PHF11: variants seen among roughly 807,000 people sequenced by gnomAD.
PHF11 encodes PHD finger protein 11, also known as BRCA1 C-terminus-associated protein.
A neutral mutation model predicts 40.5 loss-of-function variants in PHF11; 38 were observed. The observed-to-expected ratio is 0.94, with a 90% confidence interval of 0.72 to 1.23. PHF11 has a LOEUF of 1.23. PHF11 is among the 50% of genes most tolerant of loss of function. The pLI is 0.00. For synonymous variants in PHF11, 127 were observed against 138.2 expected (o/e 0.92, Z 0.57); for missense variants, 369 against 392.4 (o/e 0.94, Z 0.50).
intron 1 of PHF11, chr13:49,497,162 A>G: frequency 7.8e-7 from 1 of 1,289,678 alleles, no homozygotes; most frequent in South Asian, 1.2e-5. Flanking sequence ...CATACGTGGC[A>G]ACCACAAGCC....
rs1594228748 is a variant in PHF11 at position 49,528,557 on chromosome 13, G to C, written c.888G>C (p.Leu296Phe). The C allele has an allele frequency of 2.1e-5, 34 of 1,611,928 alleles. No individual in the cohort carries two copies. Among genetic ancestry groups the C allele is most frequent in the Non-Finnish European group, 2.9e-5 (34 of 1,178,660 alleles). The change falls in exon 10 of 10, where the codon TTG (leucine) becomes TTC (phenylalanine). Residue 296 changes from leucine to phenylalanine, a missense_variant. Transcript: ENST00000378319. ...CATCTCAACAAAGGTGGCAGCAGTT[G>C]AAGGAAGAGATTGAGCTACTTCAGG... Reference protein sequence around the residue: ...IHASQQRWQQLKEEIELLQDL... With the variant: ...IHASQQRWQQFKEEIELLQDL...
chr13:49,512,955 A>G, intron 2 of PHF11, 104 bp from the exon 3 acceptor site: 1 of 639,590 alleles, frequency 1.6e-6, no homozygotes, highest in South Asian at 1.9e-5. Context: ...CCCCCAGTCC[A>G]TTTCCCACTC....
At chr13:49,505,664 C>T (rs533528274) in intron 1 of PHF11, among the ~76,000 whole-genome samples, 1 of 152,268 alleles carries the variant, frequency 6.6e-6, no homozygotes, top group South Asian at 2.1e-4. Flanking sequence ...AGTTCAAAAA[C>T]TTTGCCTCTT....
At chr13:49,496,281 A>G in intron 1 of PHF11, 186 bp downstream of exon 1, 1 of 669,520 alleles carries the variant, frequency 1.5e-6, no homozygotes, top group South Asian at 7.1e-5. Flanking sequence ...TTGGTGGGGG[A>G]GGGGGCCAGA....
chr13:49,496,117 G>A (rs1267821020), intron 1 of PHF11, 22 bp downstream of exon 1: 10 of 1,153,430 alleles, frequency 8.7e-6, no homozygotes, highest in Non-Finnish European at 1.1e-5. Flanking sequence ...GGGGGCGGGC[G>A]GGCGGGCGGG....
At chr13:49,517,754 A>G (rs1348875491) in intron 3 of PHF11, among the ~76,000 whole-genome samples, 5 of 152,214 alleles carry the variant, frequency 3.3e-5, no homozygotes, top group African/African-American at 7.2e-5. Flanking sequence ...TTTTGAAACA[A>G]AAAGCATTTT....
chr13:49,505,023 C>T (rs929331307), intron 1 of PHF11, among the ~76,000 whole-genome samples: 6 of 150,514 alleles, frequency 4.0e-5, no homozygotes, highest in Admixed American at 2.0e-4. Context: ...GCAGCATGCT[C>T]GTTAAGAGTC....
intron 1 of PHF11, 26 bp from the exon 2 acceptor site, chr13:49,506,609 T>C: frequency 1.2e-6 from 2 of 1,611,702 alleles, no homozygotes; most frequent in Admixed American, 3.3e-5. Context: ...CACTTTTCCA[T>C]TTCTCACCAG....
intron 8 of PHF11, chr13:49,525,764 T>G: frequency 8.8e-6 from 4 of 454,018 alleles, no homozygotes; most frequent in South Asian, 6.2e-5. Flanking sequence ...ATTCATTTAT[T>G]TCCTCTAGAC....
At chr13:49,496,184 T>A (rs1431059461) in intron 1 of PHF11, 89 bp downstream of exon 1, 1 of 842,550 alleles carries the variant, frequency 1.2e-6, no homozygotes, top group African/African-American at 1.8e-5. Context: ...CGTGGCCGCA[T>A]GGGGGCCCGA....
Position 49,523,223 on chromosome 13 carries a change from G to C in PHF11, c.619G>C (p.Glu207Gln). 4 of 1,611,404 alleles carry C rather than the reference G, an allele frequency of 2.5e-6. No individual in the cohort carries two copies. The African/African-American group carries it at 4.0e-5, about 16-fold the overall frequency. The change falls in exon 7 of 10, where the codon GAG (glutamate) becomes CAG (glutamine). Residue 207 changes from glutamate to glutamine, a missense_variant. Transcript: ENST00000378319. ...CNTFIRQVKE[E>Q]HGRHTDATVK... ...TACATTCATAAGACAAGTGAAAGAA[G>C]AGCATGGCAGACACACAGGTTTGCG...
chr13:49,505,787 C>T (rs534501604), intron 1 of PHF11, among the ~76,000 whole-genome samples: 6 of 151,622 alleles, frequency 4.0e-5, no homozygotes, highest in Admixed American at 1.3e-4. Context: ...TTCCATTCTT[C>T]GCCTTAAAAA....
intron 8 of PHF11, among the ~76,000 whole-genome samples, chr13:49,524,425 G>A (rs901690441): frequency 6.0e-5 from 9 of 150,014 alleles, no homozygotes; most frequent in African/African-American, 2.0e-4. Context: ...TTTTTATATT[G>A]TTGCCTACAA....
intron 1 of PHF11, among the ~76,000 whole-genome samples, chr13:49,504,666 A>G (rs9596123): frequency 0.48 from 68,230 of 142,874 alleles, 16,533 homozygotes; most frequent in Middle Eastern, 0.58. Context: ...CGCCCCTACT[A>G]GGAAGTGAGG....
At position 49,513,042 on chromosome 13, in the gene PHF11, T is replaced by C. The variant is rs750899061; in HGVS notation, c.217-17T>C. The C allele has an allele frequency of 2.7e-5, 35 of 1,283,478 alleles. No individual in the cohort carries two copies. The highest frequency in any genetic ancestry group is 3.8e-5 in the Non-Finnish European group (34 of 890,650). The allele number at this position is 1,283,478 out of a possible 1,614,324, so 79.5% of individuals were successfully genotyped here. A position where few individuals can be genotyped will look rare whatever the true frequency, so the allele number is the denominator to read the frequency against. On this transcript the variant is annotated splice_polypyrimidine_tract_variant and intron_variant, in intron 2 of 9. Coordinates refer to ENST00000378319, the MANE Select transcript of PHF11 (RefSeq NM_001040443.3). The stretch of plus-strand genomic sequence containing the variant: ...ATTACTTTGTGCATACTCTGGATTT[T>C]TTTTTCCAATCTGCAGCTGTATTCT...
At chr13:49,504,463 A>AT in intron 1 of PHF11, among the ~76,000 whole-genome samples, 1 of 150,790 alleles carries the variant, frequency 6.6e-6, no homozygotes, top group South Asian at 2.1e-4. Flanking sequence ...CTAAAAAAAA[A>AT]GATACTCCCC....
chr13:49,515,815 T>C (rs1390928593), intron 3 of PHF11, among the ~76,000 whole-genome samples: 2 of 152,156 alleles, frequency 1.3e-5, no homozygotes, highest in African/African-American at 2.4e-5. Flanking sequence ...CTTTCAATAA[T>C]GTTAATCAGT....
chr13:49,528,795 C>G lies in PHF11; in HGVS notation c.*130C>G, dbSNP rs771971734. The G allele has an allele frequency of 1.4e-5, 9 of 633,602 alleles. No homozygotes were observed. Among genetic ancestry groups the G allele is most frequent in the Non-Finnish European group, 2.2e-5 (8 of 367,884 alleles). The allele number at this position is 633,602 out of a possible 1,614,324, so 39.2% of individuals were successfully genotyped here. A position where few individuals can be genotyped will look rare whatever the true frequency, so the allele number is the denominator to read the frequency against. On this transcript the variant is annotated 3_prime_UTR_variant, in exon 10 of 10. Transcript: ENST00000378319. ...TTGGCCTCAGCAGCTCTTCCCTGTTCTTACTGGTTGACATTTTGATCACTC... is the reference window on the plus strand; with the variant it reads ...TTGGCCTCAGCAGCTCTTCCCTGTTGTTACTGGTTGACATTTTGATCACTC...
intron 5 of PHF11, chr13:49,521,193 A>AC: frequency 8.8e-7 from 1 of 1,131,316 alleles, no homozygotes; most frequent in Non-Finnish European, 1.1e-6. Flanking sequence ...CGCTCACAGA[A>AC]CCAAACTAAG....
Sources: allele counts gnomAD v4.1 joint callset (sites outside exome capture counted in the v4.1 genomes callset), GRCh38; gene constraint gnomAD v4.1.1; transcripts MANE v1.5; gene names NCBI Gene and HGNC (gene_info 2026-07-23, HGNC 2026-07-21).